Variants in PSTPIP1 observed in about 807,000 individuals in gnomAD.
PSTPIP1 encodes proline-serine-threonine phosphatase interacting protein 1, also known as proline-serine-threonine phosphatase-interacting protein 1.
Under a neutral mutation model 69.6 loss-of-function variants are expected in PSTPIP1, and 66 were observed. The observed-to-expected ratio is 0.95, with a 90% confidence interval of 0.78 to 1.16. PSTPIP1 has a LOEUF of 1.16. PSTPIP1 is among the 50% of genes most tolerant of loss of function. The pLI is 0.00. For synonymous variants in PSTPIP1, 266 were observed against 222.7 expected (o/e 1.19, Z -1.73); for missense variants, 603 against 557.4 (o/e 1.08, Z -0.82).
chr15:76,995,194 G>A lies in PSTPIP1; in HGVS notation c.-380G>A. On this transcript the variant is annotated 5_prime_UTR_variant, in exon 1 of 15. Coordinates refer to ENST00000558012, the MANE Select transcript of PSTPIP1 (RefSeq NM_003978.5). ...CCTGGCCCGGCCCGAGCTCCAGCCT[G>A]CCTCTTCCACTGGCCACTGCCTCCC... is the stretch of plus-strand genomic sequence containing the variant. 1 of 1,205,480 alleles carries A rather than the reference G, an allele frequency of 8.3e-7. No homozygotes were observed. The highest frequency in any genetic ancestry group is 1.0e-6 in the Non-Finnish European group (1 of 956,318). The allele number at this position is 1,205,480 out of a possible 1,614,324, so 74.7% of individuals were successfully genotyped here.
intron 3 of PSTPIP1, 90 bp downstream of exon 3, chr15:77,018,621 G>A: frequency 7.4e-7 from 1 of 1,348,510 alleles, no homozygotes; most frequent in Non-Finnish European, 9.9e-7. Flanking sequence ...CTGGCATGGG[G>A]GAGGCTGGGC....
intron 12 of PSTPIP1, among the ~76,000 whole-genome samples, chr15:77,034,344 G>C (rs1295253025): frequency 3.9e-5 from 6 of 152,166 alleles, no homozygotes; most frequent in African/African-American, 1.2e-4. Flanking sequence ...CTGCCCGCCT[G>C]TGTTGGTGTC....
chr15:77,022,309 G>A (rs1190766945), intron 3 of PSTPIP1, among the ~76,000 whole-genome samples: 1 of 152,194 alleles, frequency 6.6e-6, no homozygotes, highest in East Asian at 1.9e-4. Flanking sequence ...CTGGTGGGCA[G>A]GCAGCAGGGA....
At chr15:76,996,826 G>C (rs2152660112) in intron 1 of PSTPIP1, among the ~76,000 whole-genome samples, 1 of 152,282 alleles carries the variant, frequency 6.6e-6, no homozygotes, top group South Asian at 2.1e-4. Context: ...CGGAGGACCA[G>C]GCACCAGGAT....
Position 77,036,467 on chromosome 15 carries a change from G to A in PSTPIP1, c.1119+532G>A, listed in dbSNP as rs557341423. Among the ~76,000 whole-genome samples the A allele has an allele frequency of 2.0e-5, 3 of 152,316 alleles. No individual in the cohort carries two copies. The East Asian group carries it at 5.8e-4, about 29-fold the overall frequency. ...TTTCTGATGTCCATAGGGTGAGGATGAACCAAGGCAGCCACAGGGCAGCTA... is the reference window on the plus strand; with the variant it reads ...TTTCTGATGTCCATAGGGTGAGGATAAACCAAGGCAGCCACAGGGCAGCTA... On this transcript the variant is annotated intron_variant, in intron 14 of 14. Coordinates refer to ENST00000558012, the MANE Select transcript of PSTPIP1 (RefSeq NM_003978.5).
intron 10 of PSTPIP1, among the ~76,000 whole-genome samples, 180 bp from the exon 11 acceptor site, chr15:77,032,118 G>C (rs566452622): frequency 6.6e-6 from 1 of 152,322 alleles, no homozygotes; most frequent in Non-Finnish European, 1.5e-5. Flanking sequence ...CTTGCACACA[G>C]AAGGTGTTCA....
intron 11 of PSTPIP1, 44 bp from the exon 12 acceptor site, chr15:77,032,818 G>A: frequency 1.3e-6 from 2 of 1,501,476 alleles, no homozygotes; most frequent in Non-Finnish European, 1.8e-6. Flanking sequence ...GGCCAGAATG[G>A]GGTGTTGGGG....
At chr15:77,016,516 G>A (rs2076055806) in intron 1 of PSTPIP1, among the ~76,000 whole-genome samples, 1 of 152,174 alleles carries the variant, frequency 6.6e-6, no homozygotes, top group African/African-American at 2.4e-5. Flanking sequence ...CTGAGGCTGG[G>A]GGGACAGCTT....
chr15:77,009,016 T>C (rs12908255), intron 1 of PSTPIP1, among the ~76,000 whole-genome samples: 89,909 of 152,066 alleles, frequency 0.59, 28,635 homozygotes, highest in Middle Eastern at 0.75. Flanking sequence ...TCATGGGTGG[T>C]CCTGGGGAGC....
At chr15:77,026,424 GAA>G (rs1470538205) in intron 5 of PSTPIP1, among the ~76,000 whole-genome samples, 1 of 152,224 alleles carries the variant, frequency 6.6e-6, no homozygotes, top group Non-Finnish European at 1.5e-5. Context: ...AATTGAAAAT[GAA>G]AAGTCACAAC....
In PSTPIP1 at chr15:76,995,431, T is replaced by C. The variant is rs1449275548; in HGVS notation, c.-143T>C. 6.6e-7 allele frequency: 1 copy of C among 1,524,724 alleles called. No homozygotes were observed. Among genetic ancestry groups the C allele is most frequent in the Non-Finnish European group, 8.8e-7 (1 of 1,139,262 alleles). 94.4% of individuals were successfully genotyped at this position (1,524,724 alleles called of 1,614,324 possible). A position where few individuals can be genotyped will look rare whatever the true frequency, so the allele number is the denominator to read the frequency against. ...AGCTCCTCTCTGGCTCGTGGCTGCC[T>C]TCTGAGTGTTGCAGACGGCGCCGGC... On this transcript the variant is annotated 5_prime_UTR_variant, in exon 1 of 15. Transcript: ENST00000558012.
rs1432275442 is a variant in PSTPIP1 at position 76,995,484 on chromosome 15, C to T, written c.-90C>T. Reference sequence around the variant, plus strand: ...GGAAGGGGGGCCTGGGCCAGCCCTGCCAGGACTGGGACGCTGCTGCTGGCG... The same window carrying T: ...GGAAGGGGGGCCTGGGCCAGCCCTGTCAGGACTGGGACGCTGCTGCTGGCG... On this transcript the variant is annotated 5_prime_UTR_variant, in exon 1 of 15. Transcript: ENST00000558012. 1 of 1,606,536 alleles carries T rather than the reference C, an allele frequency of 6.2e-7. No homozygotes were observed. The highest frequency in any genetic ancestry group is 1.3e-5 in the African/African-American group (1 of 74,954).
intron 1 of PSTPIP1, among the ~76,000 whole-genome samples, chr15:77,007,350 G>A (rs895085006): frequency 2.6e-5 from 4 of 152,174 alleles, no homozygotes; most frequent in African/African-American, 9.6e-5. Flanking sequence ...GCTCATGCCT[G>A]TAATTCCAGC....
chr15:77,032,836 T>G (rs1568521598), intron 11 of PSTPIP1, 26 bp from the exon 12 acceptor site: 10 of 1,548,440 alleles, frequency 6.5e-6, no homozygotes, highest in Non-Finnish European at 8.7e-6. Context: ...GGGGCCGCCC[T>G]GGGGCTCACG....
chr15:77,021,459 A>G (rs1242580244), intron 3 of PSTPIP1, among the ~76,000 whole-genome samples: 1 of 152,084 alleles, frequency 6.6e-6, no homozygotes, highest in Non-Finnish European at 1.5e-5. Flanking sequence ...TGGGAGGCTG[A>G]CCTGAGGTCA....
At chr15:77,029,636 C>T (rs2076368307) in intron 8 of PSTPIP1, 62 bp downstream of exon 8, 1 of 1,480,928 alleles carries the variant, frequency 6.8e-7, no homozygotes, top group African/African-American at 1.4e-5. Context: ...TCCCCACACA[C>T]ACCTCCTCAC....
At chr15:76,995,642 T>C (rs2075561091) in intron 1 of PSTPIP1, 33 bp downstream of exon 1, 3 of 1,612,282 alleles carry the variant, frequency 1.9e-6, no homozygotes, top group Non-Finnish European at 1.7e-6. Flanking sequence ...ACTGAACAAG[T>C]GGAGGGGGCA....
At position 77,007,719 on chromosome 15, in the gene PSTPIP1, C is replaced by T. The variant is rs907233404; in HGVS notation, c.37-10429C>T. On this transcript the variant is annotated intron_variant, in intron 1 of 14. Coordinates refer to ENST00000558012, the MANE Select transcript of PSTPIP1 (RefSeq NM_003978.5). The stretch of plus-strand genomic sequence containing the variant: ...ACGCCATTCTCCTGCCTCAGCCTCC[C>T]GAGTAGCTGGGACTACAGGCACCCA... 1.2e-4 allele frequency: 41 copies of T among 344,740 alleles called. No homozygotes were observed. In the Admixed American group the frequency reaches 1.3e-3, roughly 11 times the overall value. 21.4% of individuals were successfully genotyped at this position (344,740 alleles called of 1,614,324 possible).
intron 12 of PSTPIP1, among the ~76,000 whole-genome samples, chr15:77,033,901 A>G (rs2076486099): frequency 6.6e-6 from 1 of 152,162 alleles, no homozygotes; most frequent in Admixed American, 6.5e-5. Flanking sequence ...CATGCTACAA[A>G]AGCTTGTGAG....
Sources: allele counts gnomAD v4.1 joint callset (sites outside exome capture counted in the v4.1 genomes callset), GRCh38; gene constraint gnomAD v4.1.1; transcripts MANE v1.5; gene names NCBI Gene and HGNC (gene_info 2026-07-23, HGNC 2026-07-21).